The following CALCR variants were observed in gnomAD, a reference collection of about 807,000 sequenced individuals.
CALCR encodes the protein calcitonin receptor.
CALCR carries 47 observed loss-of-function variants against 59.5 expected under a neutral mutation model. The observed-to-expected ratio is 0.79, with a 90% CI of 0.63 to 1.01. The LOEUF is 1.01. Ranked by LOEUF, CALCR falls within the 50% of genes least tolerant of loss-of-function variation. The pLI is 0.00. For synonymous variants in CALCR, 213 were observed against 211.3 expected (o/e 1.01, Z -0.07); for missense variants, 566 against 597.1 (o/e 0.95, Z 0.54).
In CALCR at chr7:93,426,493, C is replaced by T. The variant is rs143204333; in HGVS notation, c.1288G>A (p.Ala430Thr). 5.6e-6 allele frequency: 9 copies of T among 1,613,716 alleles called. No homozygotes were observed. In the African/African-American group the frequency reaches 9.3e-5, roughly 17 times the overall value. Residue 430 changes from alanine to threonine, a missense_variant, in exon 14 of 14, where the codon GCC becomes ACC. Physicochemically the swap from Ala to Thr is moderately conservative, Grantham distance 58 (BLOSUM62 0). Coordinates refer to ENST00000426151, the MANE Select transcript of CALCR (RefSeq NM_001742.4). ...ATGTCGCCAGCCTCCGCAGCAGCGG[C>T]TGCAGCGCGAGCAGAGCGGTTGGAG... The part of the protein sequence containing the change: ...RPSNRSARAA[A>T]AAAEAGDIPI...
intron 7 of CALCR, among the ~76,000 whole-genome samples, chr7:93,465,286 A>T (rs558516636): frequency 3.3e-5 from 5 of 152,122 alleles, no homozygotes; most frequent in African/African-American, 1.2e-4. Flanking sequence ...AAAATGGTCA[A>T]GAATCAAACT....
chr7:93,494,589 A>G (rs1801157612), intron 2 of CALCR, among the ~76,000 whole-genome samples: 1 of 151,458 alleles, frequency 6.6e-6, no homozygotes, highest in Non-Finnish European at 1.5e-5. Flanking sequence ...CTCATGCCCA[A>G]ACTATAGTAG....
At chr7:93,468,591 C>T (rs1800486832) in intron 7 of CALCR, 124 bp downstream of exon 7, 2 of 596,816 alleles carry the variant, frequency 3.4e-6, no homozygotes, top group Non-Finnish European at 6.0e-6. Context: ...TTCATGACTC[C>T]TAATGTTGCA....
chr7:93,487,869 C>T (rs1451407304), intron 2 of CALCR, among the ~76,000 whole-genome samples: 2 of 151,484 alleles, frequency 1.3e-5, no homozygotes, highest in Non-Finnish European at 3.0e-5. Flanking sequence ...CCCAACATAG[C>T]AAGACTGGCC....
At chr7:93,534,085 A>G (rs1372641234) in intron 2 of CALCR, among the ~76,000 whole-genome samples, 1 of 151,806 alleles carries the variant, frequency 6.6e-6, no homozygotes, top group Non-Finnish European at 1.5e-5. Context: ...AAACATGACT[A>G]TAAAGGTTTT....
intron 2 of CALCR, among the ~76,000 whole-genome samples, chr7:93,519,911 G>A (rs1801725702): frequency 6.6e-6 from 1 of 151,968 alleles, no homozygotes; most frequent in Admixed American, 6.6e-5. Context: ...GGCCTCCCTA[G>A]CCATGTGGAA....
At chr7:93,535,915 G>C (rs1466843611) in intron 2 of CALCR, among the ~76,000 whole-genome samples, 1 of 151,706 alleles carries the variant, frequency 6.6e-6, no homozygotes, top group Non-Finnish European at 1.5e-5. Context: ...GGTTAAAACA[G>C]AATTTTCAAT....
chr7:93,528,283 A>AT (rs1788730380), intron 2 of CALCR, among the ~76,000 whole-genome samples: 1 of 152,174 alleles, frequency 6.6e-6, no homozygotes, highest in Non-Finnish European at 1.5e-5. Context: ...GAAATTTAAA[A>AT]TTTTTTTATT....
At chr7:93,548,383 T>C (rs984856377) in intron 2 of CALCR, among the ~76,000 whole-genome samples, 2 of 152,144 alleles carry the variant, frequency 1.3e-5, no homozygotes, top group African/African-American at 2.4e-5. Context: ...TTCAACAACA[T>C]TGTAGGAGGG....
rs564275014 is a variant in CALCR, at chr7:93,453,527, G to A, written c.648+7294C>T. On this transcript the variant is annotated intron_variant, in intron 8 of 13. Coordinates refer to ENST00000426151, the MANE Select transcript of CALCR (RefSeq NM_001742.4). ...ATGATCCAACATACCCTAACGGAGTGTGCAAACCTCTACCATCTCAATTGG... is the reference window on the plus strand; with the variant it reads ...ATGATCCAACATACCCTAACGGAGTATGCAAACCTCTACCATCTCAATTGG... 5.3e-5 allele frequency among the ~76,000 whole-genome samples: 8 copies of A among 152,132 alleles called. No individual in the cohort carries two copies. In the East Asian group the frequency reaches 1.2e-3, roughly 22 times the overall value.
chr7:93,504,436 C>T (rs1801383718), intron 2 of CALCR, among the ~76,000 whole-genome samples: 2 of 152,172 alleles, frequency 1.3e-5, no homozygotes, highest in South Asian at 2.1e-4. Context: ...ATTTGGTGCT[C>T]AATGAATTCT....
intron 2 of CALCR, among the ~76,000 whole-genome samples, chr7:93,542,622 C>T (rs745535697): frequency 3.2e-4 from 49 of 152,062 alleles, no homozygotes; most frequent in Non-Finnish European, 5.6e-4. Flanking sequence ...AATTTATGAG[C>T]TTTTAAATCT....
At position 93,528,086 on chromosome 7, in the gene CALCR, T is replaced by A. The variant is rs145132050; in HGVS notation, c.-26-41079A>T. On this transcript the variant is annotated intron_variant, in intron 2 of 13. Coordinates refer to ENST00000426151, the MANE Select transcript of CALCR (RefSeq NM_001742.4). ...GAGTCTAAAACTGCTCAGAAAATGT[T>A]CTGATACCTTTGATTAGTCCAAAAG... Among the ~76,000 whole-genome samples, 80 of 152,316 alleles carry A rather than the reference T, an allele frequency of 5.3e-4. 1 individual carries two copies. Among genetic ancestry groups the A allele is most frequent in the East Asian group, 5.0e-3 (26 of 5,178 alleles).
At chr7:93,521,475 T>C (rs1801762921) in intron 2 of CALCR, among the ~76,000 whole-genome samples, 2 of 151,916 alleles carry the variant, frequency 1.3e-5, no homozygotes, top group South Asian at 4.1e-4. Context: ...ATTTTTTCCC[T>C]AAGCACAAAA....
chr7:93,445,311 A>T (rs936184557), intron 8 of CALCR, among the ~76,000 whole-genome samples: 14 of 152,148 alleles, frequency 9.2e-5, no homozygotes, highest in African/African-American at 3.4e-4. Flanking sequence ...TATATAAATA[A>T]AATGTGAAAT....
At chr7:93,504,612 G>A (rs556427401) in intron 2 of CALCR, among the ~76,000 whole-genome samples, 1 of 152,068 alleles carries the variant, frequency 6.6e-6, no homozygotes, top group African/African-American at 2.4e-5. Context: ...AGAGAGATAC[G>A]TGTTCAAAAT....
chr7:93,550,673 G>C (rs1038982503), intron 2 of CALCR, among the ~76,000 whole-genome samples: 1 of 147,876 alleles, frequency 6.8e-6, no homozygotes, highest in African/African-American at 2.6e-5. Context: ...TTGCTAAAGG[G>C]TATCAGACAA....
At chr7:93,523,151 T>G (rs975952614) in intron 2 of CALCR, among the ~76,000 whole-genome samples, 4 of 152,218 alleles carry the variant, frequency 2.6e-5, no homozygotes, top group African/African-American at 9.7e-5. Context: ...GGTTGCTAAT[T>G]TGTTTCCTTC....
chr7:93,492,690 T>C (rs557709899), intron 2 of CALCR, among the ~76,000 whole-genome samples: 64 of 151,488 alleles, frequency 4.2e-4, no homozygotes, highest in Admixed American at 1.7e-3. Context: ...AGGGTATAAA[T>C]GATATAAGAT....
Sources: allele counts gnomAD v4.1 joint callset (sites outside exome capture counted in the v4.1 genomes callset), GRCh38; gene constraint gnomAD v4.1.1; transcripts MANE v1.5; gene names NCBI Gene and HGNC (gene_info 2026-07-23, HGNC 2026-07-21).